Variants in RSPH14 observed in about 807,000 individuals in gnomAD.
RSPH14 encodes radial spoke head 14 homolog.
RSPH14 carries 20 observed loss-of-function variants against 26.7 expected under a neutral mutation model. The observed-to-expected ratio is 0.75, with a 90% confidence interval of 0.53 to 1.09. The LOEUF (loss-of-function observed/expected upper bound fraction) is 1.09. Among genes scored for constraint, RSPH14 ranks in the 50% least tolerant of loss-of-function variants. RSPH14 has a pLI of 0.00. For missense variants in RSPH14, 449 were observed against 457.2 expected, an observed-to-expected ratio of 0.98 and a Z score of 0.16; for synonymous variants, 177 against 189.3, an observed-to-expected ratio of 0.93 and a Z score of 0.53.
At chr22:23,078,616 T>C (rs1291242333) in intron 4 of RSPH14, among the ~76,000 whole-genome samples, 1 of 152,092 alleles carries the variant, frequency 6.6e-6, no homozygotes, top group Non-Finnish European at 1.5e-5. Context: ...GTGGAGGGTG[T>C]GGCCACTGCG....
intron 4 of RSPH14, chr22:23,131,689 G>A (rs1419179702): frequency 7.9e-7 from 1 of 1,270,070 alleles, no homozygotes; most frequent in African/African-American, 1.5e-5. Flanking sequence ...TGCATGGTGA[G>A]CACAGGGCAT....
rs1248405369 is a variant in RSPH14 at position 23,063,228 on chromosome 22, GAAAT to G, written c.653+670_653+673del. Reference sequence around the variant, plus strand: ...GCTTGGGTCCGGGGCCCCACTTGCAGAAATACTGGCCTGAGCCTCTAGTGAGACT... The same window carrying G: ...GCTTGGGTCCGGGGCCCCACTTGCAGACTGGCCTGAGCCTCTAGTGAGACT... On this transcript the variant is annotated intron_variant, in intron 5 of 6. Transcript: ENST00000216036. Among the ~76,000 whole-genome samples, 3 of 152,334 alleles carry G rather than the reference GAAAT, an allele frequency of 2.0e-5. No homozygotes were observed. The East Asian group carries it at 5.8e-4, about 29-fold the overall frequency.
the RSPH14 span, chr22:23,152,976 G>T: frequency 1.6e-6 from 2 of 1,256,758 alleles, no homozygotes; most frequent in Non-Finnish European, 2.3e-6. Flanking sequence ...TACAAGTGAA[G>T]CTTCCGGGCA....
chr22:23,061,716 G>C, intron 6 of RSPH14, 93 bp downstream of exon 6: 1 of 1,338,554 alleles, frequency 7.5e-7, no homozygotes, highest in Non-Finnish European at 1.0e-6. Context: ...TGTGGAGTTT[G>C]GGGGACGATA....
chr22:23,161,227 C>T, the RSPH14 span, among the ~76,000 whole-genome samples: 340 of 152,272 alleles, frequency 2.2e-3, no homozygotes, highest in Non-Finnish European at 3.2e-3. Context: ...GACACATGGA[C>T]CTCATGGGCA....
chr22:23,148,291 G>C (rs1464459501), upstream of RSPH14, among the ~76,000 whole-genome samples: 1 of 152,214 alleles, frequency 6.6e-6, no homozygotes, highest in African/African-American at 2.4e-5. Context: ...TCTCTCTGCA[G>C]AGCTTGACAG....
chr22:23,125,600 G>A (rs937085545), intron 4 of RSPH14, among the ~76,000 whole-genome samples: 1 of 152,166 alleles, frequency 6.6e-6, no homozygotes, highest in African/African-American at 2.4e-5. Context: ...GGCCTGCTGC[G>A]AACCAGGCAC....
chr22:23,095,545 G>T (rs1057026837), intron 4 of RSPH14: 10 of 804,390 alleles, frequency 1.2e-5, no homozygotes, highest in African/African-American at 1.2e-4. Context: ...CTGGGGCAGG[G>T]GCTGCAGTGT....
upstream of RSPH14, chr22:23,150,009 G>C: frequency 7.1e-7 from 1 of 1,400,044 alleles, no homozygotes; most frequent in Non-Finnish European, 1.0e-6. Context: ...TTGGCTACGA[G>C]GGCGGAGCCA....
intron 4 of RSPH14, chr22:23,123,006 T>C: frequency 1.1e-6 from 1 of 920,660 alleles, no homozygotes; most frequent in Non-Finnish European, 1.7e-6. Flanking sequence ...TAGCAAAGGC[T>C]TCCTCTGGCA....
At chr22:23,171,975 A>T in the RSPH14 span, among the ~76,000 whole-genome samples, 3 of 152,160 alleles carry the variant, frequency 2.0e-5, no homozygotes, top group Non-Finnish European at 2.9e-5. Context: ...CCTGGTTACC[A>T]GGAAGAAGAA....
At chr22:23,175,148 A>G in the RSPH14 span, among the ~76,000 whole-genome samples, 5 of 151,328 alleles carry the variant, frequency 3.3e-5, no homozygotes, top group African/African-American at 1.2e-4. Flanking sequence ...GACGCCCACC[A>G]CCACACCCGG....
intron 4 of RSPH14, among the ~76,000 whole-genome samples, chr22:23,074,512 G>A (rs1326666056): frequency 6.6e-6 from 1 of 152,168 alleles, no homozygotes; most frequent in African/African-American, 2.4e-5. Flanking sequence ...AGCCATTGAT[G>A]GGCACATGTG....
At chr22:23,124,682 T>A in intron 4 of RSPH14, 1 of 198,012 alleles carries the variant, frequency 5.1e-6, no homozygotes, top group Non-Finnish European at 1.1e-5. Flanking sequence ...CGCCTGAGAC[T>A]GGCTGGAAAT....
intron 4 of RSPH14, among the ~76,000 whole-genome samples, chr22:23,117,636 G>T (rs1395838179): frequency 6.6e-6 from 1 of 152,228 alleles, no homozygotes. Flanking sequence ...GGTGCCAGTG[G>T]TAGCCACAGG....
At chr22:23,069,844 G>A (rs1458533872) in intron 4 of RSPH14, among the ~76,000 whole-genome samples, 9 of 152,146 alleles carry the variant, frequency 5.9e-5, no homozygotes, top group East Asian at 1.9e-4. Flanking sequence ...AGGAAAGCAG[G>A]TGCCACTAGC....
the RSPH14 span, among the ~76,000 whole-genome samples, chr22:23,155,387 G>T: frequency 6.6e-6 from 1 of 152,184 alleles, no homozygotes; most frequent in Non-Finnish European, 1.5e-5. Flanking sequence ...TTTCCATGGA[G>T]CCAGGGCTTT....
chr22:23,082,276 G>T (rs1030499461), intron 4 of RSPH14, among the ~76,000 whole-genome samples: 1 of 151,508 alleles, frequency 6.6e-6, no homozygotes, highest in Non-Finnish European at 1.5e-5. Flanking sequence ...GAGTGTAATG[G>T]CGCGATCTCG....
chr22:23,171,669 C>T, the RSPH14 span, among the ~76,000 whole-genome samples: 1 of 151,850 alleles, frequency 6.6e-6, no homozygotes, highest in East Asian at 1.9e-4. Context: ...ATGGTGAAAC[C>T]CCGTCTCTAC....
Sources: allele counts gnomAD v4.1 joint callset (sites outside exome capture counted in the v4.1 genomes callset), GRCh38; gene constraint gnomAD v4.1.1; transcripts MANE v1.5; gene names NCBI Gene and HGNC (gene_info 2026-07-23, HGNC 2026-07-21).